DLC1: variants seen among roughly 807,000 people sequenced by gnomAD.
DLC1 encodes rho GTPase-activating protein 7.
A neutral mutation model predicts 140.3 loss-of-function variants in DLC1; 54 were observed. That is an observed-to-expected ratio of 0.38 (90% CI 0.31 to 0.48). The LOEUF is 0.48. DLC1 is among the 20% of genes least tolerant of loss of function. The probability of loss-of-function intolerance (pLI) is 0.96; values close to 1 mark genes in which losing one functional copy is unlikely to be tolerated. For synonymous variants in DLC1, 986 were observed against 728.1 expected, an observed-to-expected ratio of 1.35 and a Z score of -5.70; for missense variants, 2,536 against 1,907.0, an observed-to-expected ratio of 1.33 and a Z score of -6.14.
intron 1 of DLC1, among the ~76,000 whole-genome samples, chr8:13,590,077 A>ATATATATACATATATATATATATATCTC (rs11272767): frequency 6.9e-6 from 1 of 145,192 alleles, no homozygotes; most frequent in African/African-American, 2.6e-5. Context: ...ATATATATAT[A>ATATATATACATATATATATATATATCTC]CAAACACATG....
At chr8:13,449,157 A>T (rs1289736862) in intron 2 of DLC1, among the ~76,000 whole-genome samples, 1 of 152,236 alleles carries the variant, frequency 6.6e-6, no homozygotes, top group African/African-American at 2.4e-5. Context: ...CCTAGATTCA[A>T]AGATCGCTGG....
intron 5 of DLC1, among the ~76,000 whole-genome samples, chr8:13,255,986 A>G (rs1359073491): frequency 6.6e-6 from 1 of 152,190 alleles, no homozygotes; most frequent in African/African-American, 2.4e-5. Context: ...CACATAGCAT[A>G]TTTGGGTTTG....
chr8:13,346,281 C>G (rs1834334924), intron 4 of DLC1, among the ~76,000 whole-genome samples: 1 of 152,180 alleles, frequency 6.6e-6, no homozygotes, highest in Non-Finnish European at 1.5e-5. Flanking sequence ...GAGGCTTTCT[C>G]CATTCAGCTA....
chr8:13,265,535 G>C (rs149728920), intron 5 of DLC1, among the ~76,000 whole-genome samples: 1 of 152,174 alleles, frequency 6.6e-6, no homozygotes, highest in Non-Finnish European at 1.5e-5. Flanking sequence ...TGAGAGCTCG[G>C]AATGTGTGTG....
chr8:13,491,185 TC>T (rs1299633432), intron 2 of DLC1, among the ~76,000 whole-genome samples: 3 of 151,306 alleles, frequency 2.0e-5, no homozygotes, highest in Non-Finnish European at 4.4e-5. Flanking sequence ...CAACTTTATG[TC>T]ATTTTCACAA....
At chr8:13,156,269 A>G (rs906912370) in intron 5 of DLC1, among the ~76,000 whole-genome samples, 13 of 152,190 alleles carry the variant, frequency 8.5e-5, no homozygotes, top group African/African-American at 3.1e-4. Context: ...CATGAATATC[A>G]TGGCCAAAAT....
At chr8:13,359,892 C>A (rs981697246) in intron 4 of DLC1, among the ~76,000 whole-genome samples, 1 of 152,164 alleles carries the variant, frequency 6.6e-6, no homozygotes. Flanking sequence ...GAATGAAAAT[C>A]ATAAATGTTC....
chr8:13,527,825 G>C (rs1177214811), intron 1 of DLC1, among the ~76,000 whole-genome samples: 1 of 152,104 alleles, frequency 6.6e-6, no homozygotes, highest in African/African-American at 2.4e-5. Context: ...AATTTCTTTA[G>C]AGAATCCTTA....
At chr8:13,280,124 CAA>C (rs59657810) in intron 5 of DLC1, among the ~76,000 whole-genome samples, 3 of 129,674 alleles carry the variant, frequency 2.3e-5, no homozygotes, top group East Asian at 2.2e-4. Flanking sequence ...ACTAAAAATA[CAA>C]AAAAAAAAAA....
chr8:13,153,972 G>A (rs1266133958), intron 5 of DLC1, among the ~76,000 whole-genome samples: 2 of 151,788 alleles, frequency 1.3e-5, no homozygotes, highest in Non-Finnish European at 2.9e-5. Flanking sequence ...CTAGACACAG[G>A]GTGGTGATTG....
chr8:13,107,790 G>A (rs377529678), intron 7 of DLC1, among the ~76,000 whole-genome samples: 11 of 152,260 alleles, frequency 7.2e-5, no homozygotes, highest in African/African-American at 2.2e-4. Flanking sequence ...GGTGGCTCAC[G>A]CCTGTAATCC....
At position 13,085,062 on chromosome 8, in the gene DLC1, T is replaced by A. The variant is rs979168630; in HGVS notation, c.*749A>T. Reference sequence around the variant, plus strand: ...GTTAAAACTACATCACTATTTGCAATCGGGTCTAAAAATAAACTGCATTTG... The same window carrying A: ...GTTAAAACTACATCACTATTTGCAAACGGGTCTAAAAATAAACTGCATTTG... On this transcript the variant is annotated 3_prime_UTR_variant, in exon 18 of 18. Coordinates refer to ENST00000276297, the MANE Select transcript of DLC1 (RefSeq NM_182643.3). 1 of 152,144 alleles carries A rather than the reference T, an allele frequency of 6.6e-6. No individual in the cohort carries two copies. Among genetic ancestry groups the A allele is most frequent in the Admixed American group, 6.6e-5 (1 of 15,260 alleles). 9.4% of individuals were successfully genotyped at this position (152,144 alleles called of 1,614,324 possible).
chr8:13,565,839 C>A (rs374987395), intron 1 of DLC1, among the ~76,000 whole-genome samples: 2 of 152,010 alleles, frequency 1.3e-5, no homozygotes, highest in African/African-American at 4.8e-5. Context: ...TAATTTCTCA[C>A]GATAATTAAT....
chr8:13,267,216 A>C (rs1830723494), intron 5 of DLC1, among the ~76,000 whole-genome samples: 1 of 152,224 alleles, frequency 6.6e-6, no homozygotes, highest in South Asian at 2.1e-4. Context: ...GCTTGATGGC[A>C]TACTTTTAGA....
chr8:13,373,475 C>G (rs1835819919), intron 4 of DLC1, among the ~76,000 whole-genome samples: 1 of 152,162 alleles, frequency 6.6e-6, no homozygotes, highest in African/African-American at 2.4e-5. Context: ...ACCCAGTTGT[C>G]CTGATCTGTT....
rs142192794 is a variant in DLC1 at position 13,137,861 on chromosome 8, G to A, written c.1349-22204C>T. On this transcript the variant is annotated intron_variant, in intron 5 of 17. Transcript: ENST00000276297. ...GATCTGCCCGCCTCAGCCTCCCAAA[G>A]TGCTGGGATTACAGGTGTGAGCCAC... is the stretch of plus-strand genomic sequence containing the variant. Among the ~76,000 whole-genome samples, 552 of 152,108 alleles carry A rather than the reference G, an allele frequency of 3.6e-3. 2 individuals carry two copies. The highest frequency in any genetic ancestry group is 0.019 in the East Asian group (97 of 5,140).
chr8:13,210,908 T>G (rs1024344660), intron 5 of DLC1, among the ~76,000 whole-genome samples: 1 of 152,218 alleles, frequency 6.6e-6, no homozygotes, highest in Admixed American at 6.5e-5. Context: ...TCATTTCATC[T>G]GTAGGAATAG....
intron 5 of DLC1, among the ~76,000 whole-genome samples, chr8:13,222,298 A>G (rs944203246): frequency 1.3e-5 from 2 of 152,134 alleles, no homozygotes; most frequent in Admixed American, 1.3e-4. Flanking sequence ...ATTATGGTAG[A>G]AAAATGAAGC....
intron 2 of DLC1, among the ~76,000 whole-genome samples, chr8:13,409,990 A>G (rs75658339): frequency 0.027 from 4,172 of 152,196 alleles, 197 homozygotes; most frequent in African/African-American, 0.095. Flanking sequence ...AAACCGTTAC[A>G]TGGTTTCTGA....
Sources: gnomAD v4.1 joint callset for allele counts (sites outside exome capture counted in the v4.1 genomes callset) on GRCh38, gnomAD v4.1.1 for gene constraint, MANE v1.5 for transcripts, NCBI Gene and HGNC (gene_info 2026-07-23, HGNC 2026-07-21) for gene names.